NCOA2: variants seen among roughly 807,000 people sequenced by gnomAD.
NCOA2 encodes nuclear receptor coactivator 2, also known as class E basic helix-loop-helix protein 75.
NCOA2 carries 21 observed loss-of-function variants against 145.1 expected under a neutral mutation model. The ratio of observed to expected loss-of-function variants is 0.14; its 90% CI spans 0.10 to 0.21. The LOEUF is 0.21. Among genes scored for constraint, NCOA2 ranks in the 10% least tolerant of loss-of-function variants. The probability of loss-of-function intolerance (pLI) is 1.00; values close to 1 mark genes in which losing one functional copy is unlikely to be tolerated. For missense variants in NCOA2, 1,472 were observed against 1,837.6 expected, an observed-to-expected ratio of 0.80 and a Z score of 3.64; for synonymous variants, 619 against 637.5, an observed-to-expected ratio of 0.97 and a Z score of 0.44.
intron 4 of NCOA2, among the ~76,000 whole-genome samples, chr8:70,190,246 T>C (rs1816535240): frequency 6.6e-6 from 1 of 152,048 alleles, no homozygotes; most frequent in Non-Finnish European, 1.5e-5. Context: ...TAAAAAGAAA[T>C]CTGTTAATTT....
the NCOA2 span, among the ~76,000 whole-genome samples, chr8:70,434,951 A>G: frequency 1.3e-5 from 2 of 151,946 alleles, no homozygotes; most frequent in East Asian, 3.9e-4. Context: ...TTTTCATTGC[A>G]CTCCTAAGGA....
the NCOA2 span, among the ~76,000 whole-genome samples, chr8:70,417,920 C>A: frequency 6.7e-6 from 1 of 149,546 alleles, no homozygotes; most frequent in Non-Finnish European, 1.5e-5. Context: ...TTCAGAGGCA[C>A]GAGAGAGCCA....
chr8:70,119,709 A>T (rs1807569656), intron 22 of NCOA2, among the ~76,000 whole-genome samples: 1 of 152,014 alleles, frequency 6.6e-6, no homozygotes, highest in Admixed American at 6.6e-5. Context: ...GACATCTGTT[A>T]TTTTTTGTGT....
At chr8:70,313,819 C>A (rs533644255) in intron 1 of NCOA2, among the ~76,000 whole-genome samples, 4 of 152,224 alleles carry the variant, frequency 2.6e-5, no homozygotes, top group Non-Finnish European at 5.9e-5. Flanking sequence ...CTATTATATC[C>A]ATTTTATAAT....
At chr8:70,178,950 GATCA>G (rs1292860450) in intron 4 of NCOA2, among the ~76,000 whole-genome samples, 1 of 152,134 alleles carries the variant, frequency 6.6e-6, no homozygotes, top group African/African-American at 2.4e-5. Context: ...TTGTTCACAA[GATCA>G]ATCTAAACTT....
chr8:70,331,287 T>G (rs984769669), intron 1 of NCOA2, among the ~76,000 whole-genome samples: 1 of 152,050 alleles, frequency 6.6e-6, no homozygotes, highest in Non-Finnish European at 1.5e-5. Context: ...AACAACACAA[T>G]AGAGTATAGC....
intron 1 of NCOA2, among the ~76,000 whole-genome samples, chr8:70,322,901 C>G (rs1806206493): frequency 6.6e-6 from 1 of 152,114 alleles, no homozygotes; most frequent in African/African-American, 2.4e-5. Flanking sequence ...AATTTGTTAT[C>G]AAGATATTTT....
At chr8:70,160,659 C>CAG (rs776025101) in intron 9 of NCOA2, among the ~76,000 whole-genome samples, 84 of 132,256 alleles carry the variant, frequency 6.4e-4, no homozygotes, top group East Asian at 1.7e-3. Flanking sequence ...AAGTGAGAGA[C>CAG]AGAGAGAGAG....
chr8:70,150,163 C>A (rs944972136), intron 11 of NCOA2, among the ~76,000 whole-genome samples: 2 of 152,168 alleles, frequency 1.3e-5, no homozygotes, highest in Admixed American at 6.5e-5. Flanking sequence ...ATTGTTAGAG[C>A]AATTACAAGA....
chr8:70,302,665 C>G (rs1421748163), intron 1 of NCOA2, among the ~76,000 whole-genome samples: 1 of 152,058 alleles, frequency 6.6e-6, no homozygotes, highest in Non-Finnish European at 1.5e-5. Context: ...TTAATAAAAC[C>G]AGTGCTTAAA....
chr8:70,356,419 T>C (rs189355533), intron 1 of NCOA2, among the ~76,000 whole-genome samples: 57 of 152,352 alleles, frequency 3.7e-4, no homozygotes, highest in African/African-American at 1.3e-3. Context: ...CATAGGCACA[T>C]AGCTCTAATA....
chr8:70,191,957 G>A (rs1318090436), intron 4 of NCOA2, among the ~76,000 whole-genome samples: 5 of 152,150 alleles, frequency 3.3e-5, no homozygotes, highest in Non-Finnish European at 2.9e-5. Context: ...CAGGAGAACC[G>A]CTTGAACCTG....
At chr8:70,381,361 C>A (rs190819040) in intron 1 of NCOA2, among the ~76,000 whole-genome samples, 5 of 152,206 alleles carry the variant, frequency 3.3e-5, no homozygotes, top group African/African-American at 1.2e-4. Flanking sequence ...GATCCTAAAT[C>A]CTAATCTTAA....
chr8:70,116,252 A>G (rs1172056791), intron 22 of NCOA2, among the ~76,000 whole-genome samples: 2 of 150,902 alleles, frequency 1.3e-5, no homozygotes, highest in African/African-American at 2.4e-5. Flanking sequence ...CAAGTTACCA[A>G]TAACAATTCT....
At chr8:70,328,547 T>C (rs1806796462) in intron 1 of NCOA2, among the ~76,000 whole-genome samples, 1 of 152,184 alleles carries the variant, frequency 6.6e-6, no homozygotes, top group African/African-American at 2.4e-5. Context: ...GAACTTGTCC[T>C]TGTTATAGAA....
chr8:70,180,875 T>C (rs769293049), intron 4 of NCOA2, among the ~76,000 whole-genome samples: 2 of 152,204 alleles, frequency 1.3e-5, no homozygotes, highest in East Asian at 1.9e-4. Flanking sequence ...CTCAGCTCCA[T>C]GCATAAACTG....
chr8:70,371,083 C>G (rs1811172095), intron 1 of NCOA2, among the ~76,000 whole-genome samples: 1 of 151,994 alleles, frequency 6.6e-6, no homozygotes, highest in African/African-American at 2.4e-5. Context: ...GTCAGGAGAT[C>G]AAGACCATCC....
chr8:70,304,068 C>G (rs1827695364), intron 1 of NCOA2, among the ~76,000 whole-genome samples: 1 of 152,170 alleles, frequency 6.6e-6, no homozygotes, highest in Non-Finnish European at 1.5e-5. Context: ...TCTGACACAA[C>G]TGAGCCTAGA....
intron 4 of NCOA2, among the ~76,000 whole-genome samples, chr8:70,196,959 T>C (rs1181767886): frequency 2.0e-5 from 3 of 152,206 alleles, no homozygotes; most frequent in South Asian, 2.1e-4. Flanking sequence ...CTATGAAACA[T>C]AGGCAATAAT....
Sources: allele counts gnomAD v4.1 joint callset (sites outside exome capture counted in the v4.1 genomes callset), GRCh38; gene constraint gnomAD v4.1.1; transcripts MANE v1.5; gene names NCBI Gene and HGNC (gene_info 2026-07-23, HGNC 2026-07-21).